ERCC3: variants seen among roughly 807,000 people sequenced by gnomAD.
ERCC3 encodes the protein ERCC excision repair 3, TFIIH core complex helicase subunit.
Under a neutral mutation model 94.2 loss-of-function variants are expected in ERCC3, and 66 were observed. The observed-to-expected ratio is 0.70, with a 90% CI of 0.57 to 0.86. The LOEUF is 0.86. Among genes scored for constraint, ERCC3 ranks in the 40% least tolerant of loss-of-function variants. The pLI, the probability that ERCC3 is intolerant of heterozygous loss-of-function variation, is 0.00. For missense variants in ERCC3, 829 were observed against 987.1 expected (o/e 0.84, Z 2.15); for synonymous variants, 349 against 369.1 (o/e 0.95, Z 0.63).
intron 3 of ERCC3, 157 bp from the exon 4 acceptor site, chr2:127,290,430 G>A (rs1372568175): frequency 5.7e-6 from 4 of 704,962 alleles, no homozygotes; most frequent in Non-Finnish European, 1.1e-5. Flanking sequence ...TGCCTAAACT[G>A]AGCTTTTTCC....
intron 12 of ERCC3, among the ~76,000 whole-genome samples, chr2:127,263,265 T>C (rs528386064): frequency 1.3e-5 from 2 of 152,376 alleles, no homozygotes; most frequent in African/African-American, 4.8e-5. Flanking sequence ...GCAATTTTAA[T>C]GATATTGCTT....
Position 127,259,398 on chromosome 2 carries a change from T to A in ERCC3, c.2115A>T (p.Thr705=). 6.2e-7 allele frequency: 1 copy of A among 1,614,228 alleles called. No homozygotes were observed. Among genetic ancestry groups the A allele is most frequent in the South Asian group, 1.1e-5 (1 of 91,086 alleles). ...GMEEEDLAFS[T]KEEQQQLLQK... ...GTAAGAGCTGCTGTTGCTCTTCTTT[T>A]GTCGAAAACGCCAAGTCTTCCTCCT... is the stretch of plus-strand genomic sequence containing the variant. Residue 705 remains threonine, a synonymous_variant, in exon 14 of 15, where the codon ACA becomes ACT. Transcript: ENST00000285398. The surrounding 1 kb of genome is among the most constrained non-coding windows in gnomAD (Gnocchi z 4.9).
In ERCC3 at chr2:127,258,141, C is replaced by G. The variant is rs986771275; in HGVS notation, c.2218-414G>C. On this transcript the variant is annotated intron_variant, in intron 14 of 14. Coordinates refer to ENST00000285398, the MANE Select transcript of ERCC3 (RefSeq NM_000122.2). This position sits in a 1 kb window ranked among gnomAD's most constrained non-coding sequence, Gnocchi z 4.1. The stretch of plus-strand genomic sequence containing the variant: ...AGAAACAGGGTCTCGATATGTTGAC[C>G]ATGCTGGTCTCAAACTCCTGGACTC... 6.6e-6 allele frequency among the ~76,000 whole-genome samples: 1 copy of G among 152,050 alleles called. No individual in the cohort carries two copies. The highest frequency in any genetic ancestry group is 1.5e-5 in the Non-Finnish European group (1 of 68,014).
In ERCC3 at chr2:127,294,094, A is replaced by G. The variant is rs1685382886; in HGVS notation, c.-13T>C. ...CTCTTTTGCCCATGGCAGCTACAGC[A>G]GCAGAGAGAAGATGACCCCGCTCCC... On this transcript the variant is annotated 5_prime_UTR_variant, in exon 1 of 15. Coordinates refer to ENST00000285398, the MANE Select transcript of ERCC3 (RefSeq NM_000122.2). 1 of 1,607,104 alleles carries G rather than the reference A, an allele frequency of 6.2e-7. No individual in the cohort carries two copies. Among genetic ancestry groups the G allele is most frequent in the South Asian group, 1.1e-5 (1 of 90,966 alleles).
In ERCC3 at chr2:127,257,509, A is replaced by G; in HGVS notation, c.*87T>C. On this transcript the variant is annotated 3_prime_UTR_variant, in exon 15 of 15. Transcript: ENST00000285398. This position sits in a 1 kb window ranked among gnomAD's most constrained non-coding sequence, Gnocchi z 5.4. ...TGGCCAACGCTGGAGGGAAGGTCAA[A>G]GAGGTGGAAGGAAAATGTTATGCTG... 6.4e-7 allele frequency: 1 copy of G among 1,567,084 alleles called. No individual in the cohort carries two copies. The highest frequency in any genetic ancestry group is 2.2e-5 in the East Asian group (1 of 44,654).
rs1558959542 is a variant in ERCC3, at chr2:127,284,503, G to A, written c.1342+2200C>T. On this transcript the variant is annotated intron_variant, in intron 8 of 14. Transcript: ENST00000285398. The surrounding 1 kb of genome is among the most constrained non-coding windows in gnomAD (Gnocchi z 4.1). ...AAGACCTCCAATCCCTCCCTGGCCA[G>A]CTGTGAACATCTCTAGGTATCTCCA... is the stretch of plus-strand genomic sequence containing the variant. Among the ~76,000 whole-genome samples the A allele has an allele frequency of 1.3e-5, 2 of 152,192 alleles. No homozygotes were observed.
intron 10 of ERCC3, among the ~76,000 whole-genome samples, chr2:127,273,223 T>C (rs1370387985): frequency 6.6e-6 from 1 of 152,196 alleles, no homozygotes; most frequent in Non-Finnish European, 1.5e-5. Context: ...TGCTTTTTCC[T>C]GCTTCAACAT....
Position 127,258,922 on chromosome 2 carries a change from C to T in ERCC3, c.2217+374G>A, listed in dbSNP as rs111711942. Among the ~76,000 whole-genome samples the T allele has an allele frequency of 3.6e-3, 549 of 152,310 alleles. 4 individuals are homozygous for T. The highest frequency in any genetic ancestry group is 0.012 in the African/African-American group (514 of 41,566). On this transcript the variant is annotated intron_variant, in intron 14 of 14. Transcript: ENST00000285398. The surrounding 1 kb of genome is among the most constrained non-coding windows in gnomAD (Gnocchi z 4.1). ...GAACCAGAGGAGAACTGTGTGGCCA[C>T]AGCCAGGGATGGCAGCCCTGTGTGT...
At position 127,294,014 on chromosome 2, in the gene ERCC3, A is replaced by G. The variant is rs201163714; in HGVS notation, c.28+40T>C. 681 of 1,601,304 alleles carry G rather than the reference A, an allele frequency of 4.3e-4. 2 individuals are homozygous for G. In the African/African-American group the frequency reaches 7.7e-3, roughly 18 times the overall value. On this transcript the variant is annotated intron_variant, in intron 1 of 14. Coordinates refer to ENST00000285398, the MANE Select transcript of ERCC3 (RefSeq NM_000122.2). ...AGGCAGAGCGGGGGGCAGGGCCGGC[A>G]AGGGCAGTCGTGGCTGAGCGTGCCC...
chr2:127,269,579 G>A (rs1210979254), intron 12 of ERCC3, among the ~76,000 whole-genome samples: 4 of 150,986 alleles, frequency 2.6e-5, no homozygotes, highest in East Asian at 2.0e-4. Context: ...CCGCCACCAC[G>A]CCCAGCTAAT....
intron 10 of ERCC3, among the ~76,000 whole-genome samples, chr2:127,276,286 G>C (rs972103221): frequency 6.6e-6 from 1 of 152,164 alleles, no homozygotes; most frequent in African/African-American, 2.4e-5. Flanking sequence ...ACTCTGGTGA[G>C]GTCCACAAGC....
Position 127,280,399 on chromosome 2 carries a change from C to A in ERCC3, c.1527+48G>T. The A allele has an allele frequency of 2.0e-6, 3 of 1,537,800 alleles. No homozygotes were observed. The highest frequency in any genetic ancestry group is 1.2e-5 in the South Asian group (1 of 86,186). On this transcript the variant is annotated intron_variant, in intron 9 of 14. Transcript: ENST00000285398. This position sits in a 1 kb window ranked among gnomAD's most constrained non-coding sequence, Gnocchi z 6.3. ...GAATCGATCTGATCACTCCCCTGCC[C>A]ATAGGAGGAGGCCCTTTCCCAGACG...
rs1445185427 is a variant in ERCC3 at position 127,291,097 on chromosome 2, A to G, written c.472-824T>C. 1.3e-5 allele frequency among the ~76,000 whole-genome samples: 2 copies of G among 151,992 alleles called. No individual in the cohort carries two copies. The highest frequency in any genetic ancestry group is 1.9e-4 in the East Asian group (1 of 5,178). ...ACTCCGTCTCAAAAAAAAAGAAAAA[A>G]AAAATTTGCCAGTCAGACTTTGAGG... On this transcript the variant is annotated intron_variant, in intron 3 of 14. Coordinates refer to ENST00000285398, the MANE Select transcript of ERCC3 (RefSeq NM_000122.2). This position sits in a 1 kb window ranked among gnomAD's most constrained non-coding sequence, Gnocchi z 4.9.
chr2:127,278,602 C>T (rs1684807612), intron 10 of ERCC3, among the ~76,000 whole-genome samples: 1 of 152,164 alleles, frequency 6.6e-6, no homozygotes, highest in South Asian at 2.1e-4. Context: ...ACTTACAGCA[C>T]CTGAAGTCCT....
intron 8 of ERCC3, 125 bp downstream of exon 8, chr2:127,286,578 C>T (rs1254078045): frequency 1.1e-6 from 1 of 903,850 alleles, no homozygotes; most frequent in African/African-American, 1.6e-5. Context: ...AAAAGCTTTA[C>T]CCAGCAAGCC....
In ERCC3 at chr2:127,294,071, C is replaced by G; in HGVS notation, c.11G>C (p.Arg4Thr). MGK[R>T]DRADRDKKKS... is the part of the protein sequence containing the mutation. Reference sequence around the variant, plus strand: ...CGTCTCACCGCGGTCCGCTCGGTCTCTTTTGCCCATGGCAGCTACAGCAGC... The same window carrying G: ...CGTCTCACCGCGGTCCGCTCGGTCTGTTTTGCCCATGGCAGCTACAGCAGC... Residue 4 changes from arginine to threonine, a missense_variant, in exon 1 of 15, where the codon AGA (arginine) becomes ACA (threonine). Transcript: ENST00000285398. The G allele has an allele frequency of 6.2e-7, 1 of 1,608,362 alleles. No homozygotes were observed. Among genetic ancestry groups the G allele is most frequent in the South Asian group, 1.1e-5 (1 of 90,962 alleles).
intron 8 of ERCC3, among the ~76,000 whole-genome samples, chr2:127,281,373 T>G (rs1226569933): frequency 2.0e-5 from 3 of 152,216 alleles, no homozygotes; most frequent in Non-Finnish European, 4.4e-5. Context: ...TTCAATCACT[T>G]TGGTCAACCA....
At chr2:127,270,762 AC>A (rs1486324878) in intron 12 of ERCC3, among the ~76,000 whole-genome samples, 1 of 152,122 alleles carries the variant, frequency 6.6e-6, no homozygotes, top group Non-Finnish European at 1.5e-5. Flanking sequence ...GGGCCCTTTT[AC>A]CGCAGTAAGC....
rs1419254389 is a variant in ERCC3, at chr2:127,261,306, C to T, written c.1986G>A (p.Leu662=). The change falls in exon 13 of 15, where the codon CTG becomes CTA. Residue 662 remains leucine (L), a synonymous_variant. Coordinates refer to ENST00000285398, the MANE Select transcript of ERCC3 (RefSeq NM_000122.2). ...CCATTTCCTGTGTGTCCTGGGATAC[C>T]AGTGAGTAGAAAAAGGCATTGTACT... The part of the protein sequence containing the change: ...AEEYNAFFYS[L]VSQDTQEMAY... The T allele has an allele frequency of 3.1e-6, 5 of 1,613,218 alleles. No individual in the cohort carries two copies. The highest frequency in any genetic ancestry group is 1.3e-5 in the African/African-American group (1 of 74,896).
Sources: gnomAD v4.1 joint callset for allele counts (sites outside exome capture counted in the v4.1 genomes callset) on GRCh38, gnomAD v4.1.1 for gene constraint, Gnocchi (gnomAD v3.1) non-coding constraint, MANE v1.5 for transcripts, NCBI Gene and HGNC (gene_info 2026-07-23, HGNC 2026-07-21) for gene names.